CDH19: variants seen among roughly 807,000 people sequenced by gnomAD.
CDH19 encodes the protein cadherin-19.
A neutral mutation model predicts 64.2 loss-of-function variants in CDH19; 67 were observed. The ratio of observed to expected loss-of-function variants is 1.04; its 90% CI spans 0.86 to 1.28. The LOEUF is 1.28. Ranked by LOEUF, CDH19 falls within the 50% of genes most tolerant of loss-of-function variation. The probability of loss-of-function intolerance (pLI) is 0.00; values close to 1 mark genes in which losing one functional copy is unlikely to be tolerated. For synonymous variants in CDH19, 346 were observed against 319.3 expected (o/e 1.08, Z -0.89); for missense variants, 1,030 against 929.0 (o/e 1.11, Z -1.41).
chr18:66,567,656 T>C (rs1429125045), intron 3 of CDH19, among the ~76,000 whole-genome samples: 1 of 151,914 alleles, frequency 6.6e-6, no homozygotes, highest in East Asian at 1.9e-4. Context: ...GTTATAAGCA[T>C]GTTACCGTAA....
At chr18:66,568,172 A>G (rs1173607107) in intron 3 of CDH19, among the ~76,000 whole-genome samples, 1 of 151,876 alleles carries the variant, frequency 6.6e-6, no homozygotes, top group Non-Finnish European at 1.5e-5. Context: ...GAATTGCTCA[A>G]ATAAACATAT....
At chr18:66,511,308 T>C (rs1305972348) in intron 10 of CDH19, among the ~76,000 whole-genome samples, 1 of 151,426 alleles carries the variant, frequency 6.6e-6, no homozygotes, top group Non-Finnish European at 1.5e-5. Context: ...CGCAGGGTCA[T>C]TCAGACTTTA....
At chr18:66,543,900 C>T (rs1986994442) in intron 7 of CDH19, 71 bp downstream of exon 7, 3 of 1,138,192 alleles carry the variant, frequency 2.6e-6, no homozygotes, top group Non-Finnish European at 3.7e-6. Context: ...AAAAAGATTG[C>T]ATGCAATTTT....
chr18:66,601,818 G>C (rs1467264560), intron 1 of CDH19, among the ~76,000 whole-genome samples: 4 of 130,536 alleles, frequency 3.1e-5, no homozygotes, highest in Non-Finnish European at 5.6e-5. Flanking sequence ...GGTGAGAGTG[G>C]GTAAAAAAAA....
intron 9 of CDH19, among the ~76,000 whole-genome samples, chr18:66,521,380 A>G (rs1457114434): frequency 3.3e-5 from 5 of 152,160 alleles, no homozygotes; most frequent in African/African-American, 1.2e-4. Flanking sequence ...TTACTACATC[A>G]ACACGAGGTA....
In CDH19 at chr18:66,501,891, A is replaced by C. The variant is rs926444115; in HGVS notation, c.*2921T>G. On this transcript the variant is annotated 3_prime_UTR_variant, in exon 12 of 12. Coordinates refer to ENST00000262150, the MANE Select transcript of CDH19 (RefSeq NM_021153.4). ...AGATCTGTTAGGCTCAAGCACATGC[A>C]CTGAGGGAACAACTAGCAGTTCGCT... 4.6e-5 allele frequency: 7 copies of C among 152,112 alleles called. No individual in the cohort carries two copies. The highest frequency in any genetic ancestry group is 1.2e-4 in the African/African-American group (5 of 41,442). The allele number at this position is 152,112 out of a possible 1,614,324, so 9.4% of individuals were successfully genotyped here.
At chr18:66,512,757 A>T (rs1985554588) in intron 9 of CDH19, among the ~76,000 whole-genome samples, 1 of 151,472 alleles carries the variant, frequency 6.6e-6, no homozygotes, top group Non-Finnish European at 1.5e-5. Flanking sequence ...GTTAAGGTAA[A>T]GCCTTCATTT....
At chr18:66,516,661 TA>T (rs1219964183) in intron 9 of CDH19, among the ~76,000 whole-genome samples, 16 of 152,164 alleles carry the variant, frequency 1.1e-4, no homozygotes, top group African/African-American at 3.9e-4. Flanking sequence ...CTAATAAATA[TA>T]ATTGATTTAT....
intron 11 of CDH19, among the ~76,000 whole-genome samples, chr18:66,505,787 T>C (rs1985171085): frequency 6.6e-6 from 1 of 151,710 alleles, no homozygotes; most frequent in African/African-American, 2.4e-5. Flanking sequence ...TGTGGCATAA[T>C]TATTTTCTAA....
chr18:66,581,824 G>A (rs773354370), intron 1 of CDH19, among the ~76,000 whole-genome samples: 5 of 152,010 alleles, frequency 3.3e-5, no homozygotes, highest in Non-Finnish European at 7.4e-5. Context: ...ATCCGTGTGA[G>A]TTAATTCTCC....
chr18:66,582,741 C>G (rs1028391013), intron 1 of CDH19, among the ~76,000 whole-genome samples: 8 of 150,932 alleles, frequency 5.3e-5, no homozygotes, highest in African/African-American at 2.0e-4. Context: ...CATTACACAG[C>G]CTTCCACATT....
At chr18:66,543,941 A>T in intron 7 of CDH19, 30 bp downstream of exon 7, 1 of 1,502,014 alleles carries the variant, frequency 6.7e-7, no homozygotes, top group Non-Finnish European at 9.0e-7. Context: ...TTACTTATTT[A>T]TTAATGCAAA....
rs73537795 is a variant in CDH19, at chr18:66,534,436, G to C, written c.1336+550C>G. On this transcript the variant is annotated intron_variant, in intron 8 of 11. Transcript: ENST00000262150. ...CAACAAAGAGTGAAGAAAGGAAACA[G>C]GATTATTAAAATTCTATGTAAAATC... Among the ~76,000 whole-genome samples, 68 of 151,884 alleles carry C rather than the reference G, an allele frequency of 4.5e-4. 1 individual carries two copies. The highest frequency in any genetic ancestry group is 4.3e-3 in the South Asian group (21 of 4,828).
intron 10 of CDH19, among the ~76,000 whole-genome samples, chr18:66,510,589 TA>T (rs1985431740): frequency 2.2e-5 from 1 of 45,768 alleles, no homozygotes; most frequent in Non-Finnish European, 4.4e-5. Context: ...CAACAAATAA[TA>T]ATAATAATAA....
intron 3 of CDH19, among the ~76,000 whole-genome samples, chr18:66,566,280 CTT>C (rs34978720): frequency 6.6e-5 from 8 of 120,752 alleles, no homozygotes; most frequent in Admixed American, 2.5e-4. Flanking sequence ...ATGACCCTTT[CTT>C]TTTTTTTTTT....
intron 5 of CDH19, among the ~76,000 whole-genome samples, chr18:66,549,046 G>A (rs1456871791): frequency 6.6e-6 from 1 of 151,960 alleles, no homozygotes; most frequent in Admixed American, 6.6e-5. Context: ...GGAGGGTAAT[G>A]GGATTCCCAC....
intron 3 of CDH19, among the ~76,000 whole-genome samples, chr18:66,560,255 G>C (rs941084089): frequency 6.6e-6 from 1 of 152,076 alleles, no homozygotes; most frequent in Non-Finnish European, 1.5e-5. Flanking sequence ...GCCAACTAGA[G>C]AATCAGAGAT....
rs1429139511 is a variant in CDH19 at position 66,501,127 on chromosome 18, G to A, written c.*3685C>T. On this transcript the variant is annotated 3_prime_UTR_variant, in exon 12 of 12. Coordinates refer to ENST00000262150, the MANE Select transcript of CDH19 (RefSeq NM_021153.4). Reference sequence around the variant, plus strand: ...TCCATATTAATATTCTATAAAAATAGTCAATGGAAACCAAAAGAATTTCTA... The same window carrying A: ...TCCATATTAATATTCTATAAAAATAATCAATGGAAACCAAAAGAATTTCTA... 1 of 151,992 alleles carries A rather than the reference G, an allele frequency of 6.6e-6. No individual in the cohort carries two copies. The highest frequency in any genetic ancestry group is 2.4e-5 in the African/African-American group (1 of 41,396). 9.4% of individuals were successfully genotyped at this position (151,992 alleles called of 1,614,324 possible). A position where few individuals can be genotyped will look rare whatever the true frequency, so the allele number is the denominator to read the frequency against.
chr18:66,504,741 A>G lies in CDH19; in HGVS notation c.*71T>C. 1 of 1,484,440 alleles carries G rather than the reference A, an allele frequency of 6.7e-7. No individual in the cohort carries two copies. The highest frequency in any genetic ancestry group is 2.3e-5 in the East Asian group (1 of 43,656). 92.0% of individuals were successfully genotyped at this position (1,484,440 alleles called of 1,614,324 possible). On this transcript the variant is annotated 3_prime_UTR_variant, in exon 12 of 12. Coordinates refer to ENST00000262150, the MANE Select transcript of CDH19 (RefSeq NM_021153.4). ...TTTCCCCGCCATAGAGCCAGGGCACAAAACTCTTTAAGACTACCATTGGGT... is the reference window on the plus strand; with the variant it reads ...TTTCCCCGCCATAGAGCCAGGGCACGAAACTCTTTAAGACTACCATTGGGT...
Sources: allele counts gnomAD v4.1 joint callset (sites outside exome capture counted in the v4.1 genomes callset), GRCh38; gene constraint gnomAD v4.1.1; transcripts MANE v1.5; gene names NCBI Gene and HGNC (gene_info 2026-07-23, HGNC 2026-07-21).